ANO4: variants seen among roughly 807,000 people sequenced by gnomAD.
The protein encoded by ANO4 is anoctamin 4.
In ANO4, 69 loss-of-function variants were observed where a neutral mutation model predicts 141.9. The observed-to-expected ratio is 0.49, with a 90% CI of 0.40 to 0.59. The LOEUF (loss-of-function observed/expected upper bound fraction) is 0.59. ANO4 is among the 20% of genes least tolerant of loss of function. ANO4 has a pLI of 0.00. For synonymous variants in ANO4, 350 were observed against 394.3 expected, an observed-to-expected ratio of 0.89 and a Z score of 1.33; for missense variants, 894 against 1,162.2, an observed-to-expected ratio of 0.77 and a Z score of 3.36.
chr12:101,054,648 C>T (rs1048344276), intron 14 of ANO4, among the ~76,000 whole-genome samples: 4 of 152,144 alleles, frequency 2.6e-5, no homozygotes, highest in Admixed American at 1.3e-4. Flanking sequence ...TACAGGCGCC[C>T]GCCACCACGC....
At chr12:101,100,833 C>T (rs2050160192) in intron 22 of ANO4, among the ~76,000 whole-genome samples, 1 of 152,150 alleles carries the variant, frequency 6.6e-6, no homozygotes, top group Non-Finnish European at 1.5e-5. Context: ...AATGTATTCA[C>T]TGAAGTATAA....
intron 24 of ANO4, among the ~76,000 whole-genome samples, chr12:101,112,626 A>G (rs1299075530): frequency 6.6e-6 from 1 of 152,156 alleles, no homozygotes; most frequent in African/African-American, 2.4e-5. Flanking sequence ...CCTGAGCCAG[A>G]TTGATTCATC....
At chr12:101,123,446 A>G (rs986228380) in intron 26 of ANO4, among the ~76,000 whole-genome samples, 3 of 152,012 alleles carry the variant, frequency 2.0e-5, no homozygotes, top group Non-Finnish European at 4.4e-5. Flanking sequence ...TCCCTTAGCT[A>G]TTCTTTCTGA....
chr12:100,835,804 A>C (rs12829077), intron 1 of ANO4, among the ~76,000 whole-genome samples: 27,405 of 152,020 alleles, frequency 0.18, 2,931 homozygotes, highest in Middle Eastern at 0.29. Flanking sequence ...TGCAACTGCT[A>C]CTGCCATCTA....
chr12:100,758,258 A>C (rs749374473), intron 3 of ANO4, among the ~76,000 whole-genome samples: 7 of 152,232 alleles, frequency 4.6e-5, no homozygotes, highest in Non-Finnish European at 8.8e-5. Context: ...CTGTACTTGA[A>C]TGTGAGTTGT....
At position 100,948,738 on chromosome 12, in the gene ANO4, ACT is replaced by A. The variant is rs2042848507; in HGVS notation, c.456+6206_456+6207del. On this transcript the variant is annotated intron_variant, in intron 5 of 27. Coordinates refer to ENST00000392977, the MANE Select transcript of ANO4 (RefSeq NM_001286615.2). ...CTTAGCTAGTCCTTGTGGTGGACAGACTCTAAAGTCTGTGATGCCTGCTTCCT... is the reference window on the plus strand; with the variant it reads ...CTTAGCTAGTCCTTGTGGTGGACAGACTAAAGTCTGTGATGCCTGCTTCCT... Among the ~76,000 whole-genome samples, 3 of 152,168 alleles carry A rather than the reference ACT, an allele frequency of 2.0e-5. No individual in the cohort carries two copies. In the South Asian group the frequency reaches 6.2e-4, roughly 32 times the overall value.
At chr12:100,797,423 T>C (rs2034401598) in intron 1 of ANO4, among the ~76,000 whole-genome samples, 1 of 151,996 alleles carries the variant, frequency 6.6e-6, no homozygotes, top group South Asian at 2.1e-4. Flanking sequence ...CTTTGCAGGG[T>C]CTCTGAAAGC....
At chr12:100,953,590 T>C (rs991003716) in intron 5 of ANO4, among the ~76,000 whole-genome samples, 2 of 152,192 alleles carry the variant, frequency 1.3e-5, no homozygotes, top group Admixed American at 1.3e-4. Context: ...CTGATGAATA[T>C]CTACTACTAT....
At chr12:101,101,954 G>A (rs1478036031) in intron 22 of ANO4, among the ~76,000 whole-genome samples, 1 of 152,054 alleles carries the variant, frequency 6.6e-6, no homozygotes, top group Non-Finnish European at 1.5e-5. Context: ...CGCAGTGGCA[G>A]GCGTGTGTAA....
chr12:100,980,971 G>GGGT (rs371910098), intron 7 of ANO4, among the ~76,000 whole-genome samples: 240 of 151,958 alleles, frequency 1.6e-3, no homozygotes, highest in African/African-American at 5.6e-3. Flanking sequence ...TGATTATTAT[G>GGGT]GGTGGCTTGT....
At chr12:100,863,015 A>G (rs1408055534) in intron 1 of ANO4, among the ~76,000 whole-genome samples, 2 of 152,208 alleles carry the variant, frequency 1.3e-5, no homozygotes, top group Non-Finnish European at 2.9e-5. Context: ...TTAGGTAAAC[A>G]GCTGAAACCT....
intron 8 of ANO4, among the ~76,000 whole-genome samples, chr12:101,007,029 A>G (rs1394042207): frequency 6.6e-6 from 1 of 152,180 alleles, no homozygotes; most frequent in African/African-American, 2.4e-5. Flanking sequence ...GGCCTGTTTG[A>G]ACCATGAGAG....
intron 9 of ANO4, among the ~76,000 whole-genome samples, chr12:101,030,617 A>G (rs1238209531): frequency 6.6e-6 from 1 of 152,190 alleles, no homozygotes; most frequent in Non-Finnish European, 1.5e-5. Flanking sequence ...GAGACAAGCA[A>G]TAACTAAGAT....
intron 15 of ANO4, among the ~76,000 whole-genome samples, chr12:101,079,703 A>C (rs1193190652): frequency 6.6e-6 from 1 of 152,206 alleles, no homozygotes; most frequent in Non-Finnish European, 1.5e-5. Flanking sequence ...CCAGGTGTGC[A>C]CAGGCTCTGA....
intron 1 of ANO4, among the ~76,000 whole-genome samples, chr12:100,841,042 A>C (rs949071742): frequency 1.3e-5 from 2 of 152,124 alleles, no homozygotes; most frequent in African/African-American, 4.8e-5. Context: ...GTGAGTCTTA[A>C]TAGGAGGTGA....
intron 9 of ANO4, among the ~76,000 whole-genome samples, chr12:101,036,147 A>G (rs2047184510): frequency 6.6e-6 from 1 of 152,214 alleles, no homozygotes; most frequent in South Asian, 2.1e-4. Context: ...AATCAAAACC[A>G]CGGTGAAGTA....
intron 1 of ANO4, among the ~76,000 whole-genome samples, chr12:100,822,499 ATGG>A (rs972928473): frequency 1.3e-5 from 2 of 152,030 alleles, no homozygotes; most frequent in African/African-American, 4.8e-5. Context: ...TGTGAGAAAG[ATGG>A]TGGAAGAGAG....
At chr12:100,809,089 T>C (rs533587179) in intron 1 of ANO4, among the ~76,000 whole-genome samples, 76 of 152,270 alleles carry the variant, frequency 5.0e-4, no homozygotes, top group African/African-American at 1.8e-3. Context: ...TGGAATGAAA[T>C]GATGAAAACA....
chr12:101,107,815 G>A (rs2050508423), intron 22 of ANO4, among the ~76,000 whole-genome samples: 1 of 152,132 alleles, frequency 6.6e-6, no homozygotes, highest in Non-Finnish European at 1.5e-5. Context: ...CAGAATGATA[G>A]GGAAGGGAGC....
Sources: gnomAD v4.1 joint callset for allele counts (sites outside exome capture counted in the v4.1 genomes callset) on GRCh38, gnomAD v4.1.1 for gene constraint, MANE v1.5 for transcripts, NCBI Gene and HGNC (gene_info 2026-07-23, HGNC 2026-07-21) for gene names.